The following ABCC4 variants were observed in gnomAD, a reference collection of about 807,000 sequenced individuals.
ABCC4 encodes ATP-binding cassette sub-family C member 4.
In ABCC4, 102 loss-of-function variants were observed where a neutral mutation model predicts 168.5. The ratio of observed to expected loss-of-function variants is 0.61; its 90% CI spans 0.52 to 0.71. ABCC4 has a LOEUF of 0.71. ABCC4 is among the 30% of genes least tolerant of loss of function. The probability of loss-of-function intolerance (pLI) is 0.00; values close to 1 mark genes in which losing one functional copy is unlikely to be tolerated. For missense variants in ABCC4, 1,402 were observed against 1,605.8 expected (o/e 0.87, Z 2.17); for synonymous variants, 617 against 590.7 (o/e 1.04, Z -0.65).
chr13:95,264,013 A>C (rs2040603677), intron 1 of ABCC4, among the ~76,000 whole-genome samples: 1 of 152,204 alleles, frequency 6.6e-6, no homozygotes, highest in South Asian at 2.1e-4. Context: ...TGAAATGTTC[A>C]AAGAATCCCG....
At position 95,021,698 on chromosome 13, in the gene ABCC4, G is replaced by T; in HGVS notation, c.3871-16C>A. ...TGAAGTATACCTAGAAAAAAAAAAGGTAAGCATAAAAAGAATGTTTCAAAA... is the reference window on the plus strand; with the variant it reads ...TGAAGTATACCTAGAAAAAAAAAAGTTAAGCATAAAAAGAATGTTTCAAAA... On this transcript the variant is annotated splice_polypyrimidine_tract_variant and intron_variant, in intron 30 of 30. Transcript: ENST00000645237. The T allele has an allele frequency of 6.5e-7, 1 of 1,538,750 alleles. No homozygotes were observed. Among genetic ancestry groups the T allele is most frequent in the Admixed American group, 1.7e-5 (1 of 57,146 alleles).
chr13:95,093,509 C>A lies in ABCC4; in HGVS notation c.2536-10219G>T, dbSNP rs568597979. Among the ~76,000 whole-genome samples the A allele has an allele frequency of 2.6e-5, 4 of 152,214 alleles. No individual in the cohort carries two copies. In the East Asian group the frequency reaches 7.7e-4, roughly 29 times the overall value. ...ATCCAGCATCCCTTTAAGATTAAAA[C>A]TCTCAGCAAAATCGGCATACAAGAG... On this transcript the variant is annotated intron_variant, in intron 20 of 30. Coordinates refer to ENST00000645237, the MANE Select transcript of ABCC4 (RefSeq NM_005845.5).
intron 1 of ABCC4, 39 bp downstream of exon 1, chr13:95,301,202 G>A (rs2041671677): frequency 1.3e-6 from 2 of 1,554,056 alleles, no homozygotes; most frequent in Non-Finnish European, 1.7e-6. Flanking sequence ...CGCGGCGCCA[G>A]CGGCTGCAGG....
chr13:95,215,080 A>C lies in ABCC4; in HGVS notation c.532-4299T>G, dbSNP rs1470372808. ...AGGAGATGGTATCAAATGGAAACTC[A>C]GATCTACAGAAAGAATAAAGAGAAA... On this transcript the variant is annotated intron_variant, in intron 4 of 30. Transcript: ENST00000645237. Among the ~76,000 whole-genome samples the C allele has an allele frequency of 2.6e-5, 4 of 152,336 alleles. No individual in the cohort carries two copies. In the East Asian group the frequency reaches 7.7e-4, roughly 29 times the overall value.
intron 1 of ABCC4, among the ~76,000 whole-genome samples, chr13:95,274,881 AG>A (rs2138894027): frequency 6.6e-6 from 1 of 152,302 alleles, no homozygotes; most frequent in African/African-American, 2.4e-5. Flanking sequence ...GTTCGAGACC[AG>A]CCTGGCCAAC....
chr13:95,083,273 A>G lies in ABCC4; in HGVS notation c.2553T>C (p.Val851=). 1 of 1,613,974 alleles carries G rather than the reference A, an allele frequency of 6.2e-7. No homozygotes were observed. The highest frequency in any genetic ancestry group is 2.2e-5 in the East Asian group (1 of 44,866). Reference sequence around the variant, plus strand: ...CGGCCACAGCCACAGAGACCACACCAACCACTTGTAGCAATGTCTGAAATA... The same window carrying G: ...CGGCCACAGCCACAGAGACCACACCGACCACTTGTAGCAATGTCTGAAATA... ...LDFIQTLLQV[V]GVVSVAVAVI... Residue 851 remains valine, a synonymous_variant, in exon 21 of 31, where the codon GTT becomes GTC. Transcript: ENST00000645237.
At chr13:95,196,217 G>A (rs1325141567) in intron 8 of ABCC4, among the ~76,000 whole-genome samples, 1 of 152,012 alleles carries the variant, frequency 6.6e-6, no homozygotes, top group Non-Finnish European at 1.5e-5. Flanking sequence ...TTGTAGATGT[G>A]GCAAAAACTG....
At position 95,062,086 on chromosome 13, in the gene ABCC4, ACACACTCT is replaced by A. The variant is rs369626582; in HGVS notation, c.3366+610_3366+617del. 4.8e-3 allele frequency among the ~76,000 whole-genome samples: 730 copies of A among 152,282 alleles called. 9 individuals carry two copies. Among genetic ancestry groups the A allele is most frequent in the African/African-American group, 0.017 (700 of 41,554 alleles). ...TCACTGGGTCTGTGTGAAATACACCACACACTCTCACAATGGTGATCGTAAGGAAGATG... is the reference window on the plus strand; with the variant it reads ...TCACTGGGTCTGTGTGAAATACACCACACAATGGTGATCGTAAGGAAGATG... On this transcript the variant is annotated intron_variant, in intron 26 of 30. Coordinates refer to ENST00000645237, the MANE Select transcript of ABCC4 (RefSeq NM_005845.5).
In ABCC4 at chr13:95,218,073, T is replaced by G. The variant is rs1001918048; in HGVS notation, c.532-7292A>C. 3.9e-5 allele frequency among the ~76,000 whole-genome samples: 6 copies of G among 152,306 alleles called. No homozygotes were observed. The East Asian group carries it at 1.2e-3, about 29-fold the overall frequency. The stretch of plus-strand genomic sequence containing the variant: ...GCATATAAAGTAAGTATTATCTATC[T>G]TATTTATTTTATGTTTTGCTTACTT... On this transcript the variant is annotated intron_variant, in intron 4 of 30. Transcript: ENST00000645237.
At chr13:95,128,592 C>A (rs2035861666) in intron 19 of ABCC4, among the ~76,000 whole-genome samples, 2 of 152,162 alleles carry the variant, frequency 1.3e-5, no homozygotes, top group Non-Finnish European at 2.9e-5. Flanking sequence ...CACCTACTTA[C>A]AATATTTATT....
intron 1 of ABCC4, among the ~76,000 whole-genome samples, chr13:95,282,596 A>G (rs1407341106): frequency 1.3e-5 from 2 of 151,600 alleles, no homozygotes; most frequent in Non-Finnish European, 2.9e-5. Context: ...GTGCAGTGGC[A>G]CAATCTCGAC....
At position 95,117,449 on chromosome 13, in the gene ABCC4, C is replaced by T. The variant is rs144796610; in HGVS notation, c.2456-1448G>A. On this transcript the variant is annotated intron_variant, in intron 19 of 30. Coordinates refer to ENST00000645237, the MANE Select transcript of ABCC4 (RefSeq NM_005845.5). ...GAGGAGCTGGAGCCTGAATTTCCAA[C>T]CAGCTTCCGGGGGCCCTTCTGCTGT... Among the ~76,000 whole-genome samples, 624 of 152,250 alleles carry T rather than the reference C, an allele frequency of 4.1e-3. 2 individuals are homozygous for T. The highest frequency in any genetic ancestry group is 0.015 in the African/African-American group (607 of 41,546).
At chr13:95,228,241 G>A (rs1409098549) in intron 4 of ABCC4, among the ~76,000 whole-genome samples, 1 of 152,128 alleles carries the variant, frequency 6.6e-6, no homozygotes, top group African/African-American at 2.4e-5. Flanking sequence ...AGAGCTACAG[G>A]TGGCTGCAAT....
chr13:95,158,981 G>C (rs2036974715), intron 19 of ABCC4, among the ~76,000 whole-genome samples: 1 of 150,798 alleles, frequency 6.6e-6, no homozygotes, highest in Non-Finnish European at 1.5e-5. Context: ...TACTTGGAAG[G>C]CTGAGGCAGG....
chr13:95,182,510 G>A (rs2037930181), intron 11 of ABCC4, among the ~76,000 whole-genome samples: 1 of 152,068 alleles, frequency 6.6e-6, no homozygotes, highest in African/African-American at 2.4e-5. Flanking sequence ...TCAAATAATG[G>A]AAGTTATATA....
intron 4 of ABCC4, among the ~76,000 whole-genome samples, chr13:95,225,153 TCACACACACACACACACA>T (rs61398515): frequency 8.2e-4 from 29 of 35,226 alleles, no homozygotes; most frequent in East Asian, 2.6e-3. Flanking sequence ...TCTCTCTCTC[TCACACACACACACACACA>T]CACACACACA....
intron 8 of ABCC4, among the ~76,000 whole-genome samples, chr13:95,203,702 G>A (rs143280371): frequency 6.6e-6 from 1 of 151,950 alleles, no homozygotes; most frequent in Admixed American, 6.6e-5. Flanking sequence ...TCTCTTACAA[G>A]AGCAGGTCCA....
At chr13:95,077,898 A>G (rs116093459) in intron 21 of ABCC4, among the ~76,000 whole-genome samples, 2,145 of 152,198 alleles carry the variant, frequency 0.014, 64 homozygotes, top group African/African-American at 0.049. Flanking sequence ...CATATATCAG[A>G]GTCCAGAGTC....
Position 95,210,796 on chromosome 13 carries a change from G to GTA in ABCC4, c.532-17_532-16dup. The stretch of plus-strand genomic sequence containing the variant: ...AGACGAAGTGCCTGAAATAAAAGAG[G>GTA]TAAGTAGAGAATTGTATTCATGCAG... On this transcript the variant is annotated splice_polypyrimidine_tract_variant and intron_variant, in intron 4 of 30. Transcript: ENST00000645237. 1 of 1,598,852 alleles carries GTA rather than the reference G, an allele frequency of 6.3e-7. No homozygotes were observed. The highest frequency in any genetic ancestry group is 1.1e-5 in the South Asian group (1 of 90,536).
Sources: allele counts gnomAD v4.1 joint callset (sites outside exome capture counted in the v4.1 genomes callset), GRCh38; gene constraint gnomAD v4.1.1; transcripts MANE v1.5; gene names NCBI Gene and HGNC (gene_info 2026-07-23, HGNC 2026-07-21).